QTGAL: variants seen among roughly 807,000 people sequenced by gnomAD.
QTGAL encodes queuosine-tRNA galactosyltransferase.
At chr17:82,973,653 C>T in the QTGAL span, among the ~76,000 whole-genome samples, 28 of 152,080 alleles carry the variant, frequency 1.8e-4, no homozygotes, top group African/African-American at 2.2e-4. Context: ...CTGGTGCAAC[C>T]GAAGCCTACA....
At chr17:82,988,059 T>G in the QTGAL span, among the ~76,000 whole-genome samples, 9 of 152,336 alleles carry the variant, frequency 5.9e-5, no homozygotes, top group African/African-American at 2.2e-4. Flanking sequence ...CATTCATGAT[T>G]TAGCTCTCTG....
the QTGAL span, among the ~76,000 whole-genome samples, chr17:82,985,415 T>C: frequency 7.2e-5 from 11 of 152,366 alleles, no homozygotes; most frequent in East Asian, 1.9e-3. Flanking sequence ...TTCTTTGAAC[T>C]TCACACGTTA....
the QTGAL span, among the ~76,000 whole-genome samples, chr17:82,987,577 T>C: frequency 6.6e-6 from 1 of 152,156 alleles, no homozygotes; most frequent in Non-Finnish European, 1.5e-5. Flanking sequence ...ACCATGATGG[T>C]TGTATATGTG....
the QTGAL span, among the ~76,000 whole-genome samples, chr17:83,035,436 TG>T: frequency 6.6e-6 from 1 of 152,158 alleles, no homozygotes; most frequent in Non-Finnish European, 1.5e-5. Flanking sequence ...CCCAAAGTGC[TG>T]GGATTACAGA....
At chr17:83,025,816 C>T in the QTGAL span, among the ~76,000 whole-genome samples, 5 of 152,238 alleles carry the variant, frequency 3.3e-5, no homozygotes, top group Admixed American at 1.3e-4. Flanking sequence ...CAGCCTGGCC[C>T]GGCACCGGGT....
chr17:83,019,228 T>C, the QTGAL span, among the ~76,000 whole-genome samples: 12 of 151,586 alleles, frequency 7.9e-5, 1 homozygote, highest in Admixed American at 2.6e-4. Flanking sequence ...CAGGACAGAG[T>C]CTATGATGCA....
At chr17:82,957,437 C>G in the QTGAL span, 1 of 1,611,906 alleles carries the variant, frequency 6.2e-7, no homozygotes, top group Non-Finnish European at 8.5e-7. Context: ...TGAAGGCCGC[C>G]CAGCGGGGCA....
the QTGAL span, chr17:82,960,564 C>T: frequency 1.9e-5 from 3 of 155,266 alleles, no homozygotes; most frequent in Non-Finnish European, 4.3e-5. Context: ...CCACGCGGCA[C>T]CCCCAGACCC....
chr17:83,031,256 C>T, the QTGAL span, among the ~76,000 whole-genome samples: 2 of 152,058 alleles, frequency 1.3e-5, no homozygotes, highest in Non-Finnish European at 2.9e-5. Context: ...GCCAGAGCAC[C>T]CACGGGTCCC....
chr17:82,951,028 A>G, the QTGAL span, among the ~76,000 whole-genome samples: 4 of 152,208 alleles, frequency 2.6e-5, no homozygotes, highest in African/African-American at 7.2e-5. Context: ...AATTTTTGCA[A>G]TCAGATCTTG....
chr17:82,959,171 G>A, the QTGAL span, among the ~76,000 whole-genome samples: 2 of 151,936 alleles, frequency 1.3e-5, no homozygotes, highest in East Asian at 3.9e-4. Context: ...GAGTGCATGT[G>A]TACATGAGCA....
chr17:83,045,669 A>T, the QTGAL span, among the ~76,000 whole-genome samples: 3 of 152,210 alleles, frequency 2.0e-5, no homozygotes, highest in Non-Finnish European at 4.4e-5. Flanking sequence ...CGGGAAAAAA[A>T]TTGCAAATTA....
At chr17:82,981,069 G>A in the QTGAL span, 1 of 152,270 alleles carries the variant, frequency 6.6e-6, no homozygotes, top group Non-Finnish European at 1.5e-5. Context: ...AAGGACAAAA[G>A]GCTCAATACT....
chr17:82,971,627 C>A, the QTGAL span, among the ~76,000 whole-genome samples: 1 of 144,220 alleles, frequency 6.9e-6, no homozygotes, highest in Non-Finnish European at 1.5e-5. Context: ...ACCACAGGGG[C>A]CAGAAGGACC....
chr17:82,974,305 T>C, the QTGAL span, among the ~76,000 whole-genome samples: 25 of 152,196 alleles, frequency 1.6e-4, no homozygotes, highest in African/African-American at 6.0e-4. Context: ...CCCTGGACAC[T>C]GTGCGTGACA....
chr17:83,039,641 CCT>C, the QTGAL span, among the ~76,000 whole-genome samples: 3 of 152,204 alleles, frequency 2.0e-5, no homozygotes, highest in South Asian at 2.1e-4. Flanking sequence ...GCTGCCCGCC[CCT>C]GTTCTAGACA....
At chr17:82,965,031 A>C in the QTGAL span, among the ~76,000 whole-genome samples, 91 of 81,874 alleles carry the variant, frequency 1.1e-3, no homozygotes, top group Middle Eastern at 0.013. Flanking sequence ...GCAGGTGCAC[A>C]CCCACAGGGA....
chr17:82,945,976 A>G, the QTGAL span: 7 of 152,216 alleles, frequency 4.6e-5, no homozygotes, highest in Admixed American at 2.0e-4. Flanking sequence ...AATGGACAAC[A>G]GCAGCATATA....
the QTGAL span, among the ~76,000 whole-genome samples, chr17:82,986,637 C>T: frequency 1.1e-4 from 16 of 152,214 alleles, no homozygotes; most frequent in African/African-American, 3.9e-4. Flanking sequence ...GAAAGCAAAG[C>T]TCATCAAGGA....
Sources: allele counts gnomAD v4.1 joint callset (sites outside exome capture counted in the v4.1 genomes callset), GRCh38; gene constraint gnomAD v4.1.1; transcripts MANE v1.5; gene names NCBI Gene and HGNC (gene_info 2026-07-23, HGNC 2026-07-21).